The following VAC14 variants were observed in gnomAD, a reference collection of about 807,000 sequenced individuals.
VAC14 encodes the protein protein VAC14 homolog.
In VAC14, 47 loss-of-function variants were observed where a neutral mutation model predicts 85.3. That is an observed-to-expected ratio of 0.55 (90% CI 0.44 to 0.70). The LOEUF is 0.70. Among genes scored for constraint, VAC14 ranks in the 30% least tolerant of loss-of-function variants. The pLI is 0.00. For missense variants in VAC14, 861 were observed against 1,004.3 expected (o/e 0.86, Z 1.93); for synonymous variants, 447 against 430.5 (o/e 1.04, Z -0.47).
chr16:70,769,145 C>T (rs753843324), intron 10 of VAC14: 1 of 198,382 alleles, frequency 5.0e-6, no homozygotes, highest in Admixed American at 5.5e-5. Flanking sequence ...GGAAGAGGGT[C>T]CATAGCTTTC....
chr16:70,732,013 C>T (rs1428429723), intron 13 of VAC14, among the ~76,000 whole-genome samples: 3 of 152,136 alleles, frequency 2.0e-5, no homozygotes, highest in East Asian at 1.9e-4. Context: ...AAACGAAATA[C>T]ACTCAAGATC....
At chr16:70,775,106 T>C (rs1427040771) in intron 9 of VAC14, among the ~76,000 whole-genome samples, 1 of 152,212 alleles carries the variant, frequency 6.6e-6, no homozygotes, top group Non-Finnish European at 1.5e-5. Context: ...CATTAATCAA[T>C]TCAATTATTT....
In VAC14 at chr16:70,695,577, G is replaced by T; in HGVS notation, c.2002C>A (p.Leu668Met). The T allele has an allele frequency of 6.2e-7, 1 of 1,613,974 alleles. No individual in the cohort carries two copies. The highest frequency in any genetic ancestry group is 8.5e-7 in the Non-Finnish European group (1 of 1,179,978). The change falls in exon 17 of 19, where the codon CTG (leucine) becomes ATG (methionine). Residue 668 changes from leucine to methionine, a missense_variant. Physicochemically the swap from Leu to Met is conservative, Grantham distance 15. This residue lies in a region of VAC14 where 163 missense variants were observed against 162.2 expected (regional missense o/e 1.00). Coordinates refer to ENST00000261776, the MANE Select transcript of VAC14 (RefSeq NM_018052.5). ...TVDFLAEVDKLVQLIECPIFT... is the reference protein window; with the variant it reads ...TVDFLAEVDKMVQLIECPIFT... ...ATGGGGCACTCAATCAGCTGCACCA[G>T]CTTGTCCACCTCTGCGAGGAAGTCC...
chr16:70,793,724 A>G (rs1381677480), intron 1 of VAC14, among the ~76,000 whole-genome samples: 1 of 152,230 alleles, frequency 6.6e-6, no homozygotes, highest in Non-Finnish European at 1.5e-5. Flanking sequence ...AGGTGGGTTA[A>G]TCATGACAAT....
intron 12 of VAC14, among the ~76,000 whole-genome samples, chr16:70,753,635 C>T (rs953774839): frequency 1.3e-5 from 2 of 152,300 alleles, no homozygotes; most frequent in African/African-American, 2.4e-5. Flanking sequence ...GTGCACCAAA[C>T]CCACTGGGAA....
chr16:70,741,893 G>A (rs780010953), intron 13 of VAC14, among the ~76,000 whole-genome samples: 3 of 152,134 alleles, frequency 2.0e-5, no homozygotes, highest in Admixed American at 1.3e-4. Flanking sequence ...TGGCCCTGCC[G>A]CCCAAGCAGC....
chr16:70,715,770 G>A (rs751112133), intron 14 of VAC14: 1 of 152,310 alleles, frequency 6.6e-6, no homozygotes, highest in Non-Finnish European at 1.5e-5. Context: ...GTATGCGGTG[G>A]AGTCGGGGCT....
chr16:70,794,246 T>C (rs1245132143), intron 1 of VAC14, among the ~76,000 whole-genome samples: 1 of 152,154 alleles, frequency 6.6e-6, no homozygotes, highest in African/African-American at 2.4e-5. Context: ...AGAACATTTT[T>C]TTACCATCCC....
At chr16:70,728,357 G>C (rs2054491190) in intron 14 of VAC14, among the ~76,000 whole-genome samples, 1 of 152,194 alleles carries the variant, frequency 6.6e-6, no homozygotes, top group South Asian at 2.1e-4. Context: ...ACACAGAAGG[G>C]ACAAAGTGGC....
At chr16:70,764,405 T>A (rs1482296009) in intron 10 of VAC14, among the ~76,000 whole-genome samples, 1 of 152,126 alleles carries the variant, frequency 6.6e-6, no homozygotes, top group African/African-American at 2.4e-5. Context: ...TCTGAGGATA[T>A]CGAAACACTT....
At chr16:70,724,611 A>G (rs2142999799) in intron 14 of VAC14, among the ~76,000 whole-genome samples, 1 of 152,290 alleles carries the variant, frequency 6.6e-6, no homozygotes, top group East Asian at 1.9e-4. Flanking sequence ...TTAGGAGATG[A>G]GAAGCCGGGA....
chr16:70,742,407 C>T (rs1210602310), intron 13 of VAC14, among the ~76,000 whole-genome samples: 1 of 152,200 alleles, frequency 6.6e-6, no homozygotes, highest in East Asian at 1.9e-4. Context: ...GGCCCCCACA[C>T]TCCACCTCTG....
intron 10 of VAC14, among the ~76,000 whole-genome samples, chr16:70,765,965 CTG>C (rs1445196923): frequency 5.3e-5 from 8 of 152,004 alleles, no homozygotes; most frequent in Non-Finnish European, 7.4e-5. Flanking sequence ...GACCCTGTCT[CTG>C]TGAAAAATTT....
chr16:70,704,968 G>A (rs190524519), intron 14 of VAC14, among the ~76,000 whole-genome samples: 58 of 152,328 alleles, frequency 3.8e-4, no homozygotes, highest in Non-Finnish European at 6.3e-4. Flanking sequence ...CTGAAAACAG[G>A]ACCAGCGAAG....
chr16:70,698,288 G>C (rs2053753701), intron 15 of VAC14, among the ~76,000 whole-genome samples: 1 of 152,188 alleles, frequency 6.6e-6, no homozygotes, highest in African/African-American at 2.4e-5. Context: ...GCACCACCAT[G>C]CAGGGTGGGC....
At chr16:70,693,164 G>A (rs971351592) in intron 17 of VAC14, among the ~76,000 whole-genome samples, 193 bp from the exon 18 acceptor site, 1 of 152,212 alleles carries the variant, frequency 6.6e-6, no homozygotes, top group Non-Finnish European at 1.5e-5. Context: ...TTCACAGCCA[G>A]TCGCGCTGCC....
Position 70,744,839 on chromosome 16 carries a change from C to T in VAC14, c.1372-260G>A, listed in dbSNP as rs16970476. Among the ~76,000 whole-genome samples, 1,248 of 152,336 alleles carry T rather than the reference C, an allele frequency of 8.2e-3. 21 individuals are homozygous for T. Among genetic ancestry groups the T allele is most frequent in the African/African-American group, 0.029 (1,188 of 41,572 alleles). ...AACTGGAATCTGAGGTTCGGAGAGT[C>T]AGCTTCCCCACGATCCCTCTCTCGG... On this transcript the variant is annotated intron_variant, in intron 12 of 18. Transcript: ENST00000261776.
At chr16:70,708,570 C>T (rs1379331199) in intron 14 of VAC14, among the ~76,000 whole-genome samples, 1 of 152,222 alleles carries the variant, frequency 6.6e-6, no homozygotes, top group Non-Finnish European at 1.5e-5. Context: ...ACAATGAGGT[C>T]TGCGTTTGTG....
intron 13 of VAC14, 138 bp from the exon 14 acceptor site, chr16:70,731,765 C>A: frequency 1.0e-6 from 1 of 965,204 alleles, no homozygotes; most frequent in Non-Finnish European, 1.4e-6. Flanking sequence ...GGGAAAATCT[C>A]TAATCAAGAG....
Sources: gnomAD v4.1 joint callset for allele counts (sites outside exome capture counted in the v4.1 genomes callset) on GRCh38, gnomAD v4.1.1 for gene constraint, gnomAD v4.1.1 regional missense constraint, MANE v1.5 for transcripts, NCBI Gene and HGNC (gene_info 2026-07-23, HGNC 2026-07-21) for gene names.